Variants in CRIM1 observed in about 807,000 individuals in gnomAD.
The protein encoded by CRIM1 is cysteine-rich motor neuron 1 protein.
Under a neutral mutation model 116.4 loss-of-function variants are expected in CRIM1, and 32 were observed. That is an observed-to-expected ratio of 0.27 (90% CI 0.21 to 0.37). CRIM1 has a LOEUF of 0.37. Among genes scored for constraint, CRIM1 ranks in the 10% least tolerant of loss-of-function variants. The pLI is 1.00. For synonymous variants in CRIM1, 590 were observed against 509.2 expected, an observed-to-expected ratio of 1.16 and a Z score of -2.13; for missense variants, 1,331 against 1,354.8, an observed-to-expected ratio of 0.98 and a Z score of 0.28.
intron 7 of CRIM1, among the ~76,000 whole-genome samples, chr2:36,495,739 C>T (rs72866842): frequency 0.031 from 4,753 of 152,004 alleles, 220 homozygotes; most frequent in African/African-American, 0.11. Flanking sequence ...TGTCTCATGG[C>T]ACTTGTTTCC....
chr2:36,468,878 A>G (rs184955912), intron 5 of CRIM1, among the ~76,000 whole-genome samples: 110 of 152,362 alleles, frequency 7.2e-4, no homozygotes, highest in African/African-American at 2.5e-3. Context: ...CAACGTATAT[A>G]CACAAACATC....
At chr2:36,397,188 C>CAGAA (rs1220148918) in intron 2 of CRIM1, among the ~76,000 whole-genome samples, 1 of 152,072 alleles carries the variant, frequency 6.6e-6, no homozygotes, top group East Asian at 1.9e-4. Flanking sequence ...ATCTCTTTAG[C>CAGAA]AGAAATGGGA....
chr2:36,400,120 G>C (rs1157460719), intron 2 of CRIM1, among the ~76,000 whole-genome samples: 1 of 151,988 alleles, frequency 6.6e-6, no homozygotes, highest in South Asian at 2.1e-4. Flanking sequence ...GATTATATAA[G>C]AGAACTTTAT....
intron 7 of CRIM1, among the ~76,000 whole-genome samples, chr2:36,498,402 C>T (rs2125083458): frequency 6.6e-6 from 1 of 152,300 alleles, no homozygotes; most frequent in East Asian, 1.9e-4. Context: ...ATAATAATAG[C>T]ACCCACCTCA....
intron 1 of CRIM1, among the ~76,000 whole-genome samples, chr2:36,374,648 C>G (rs1467797094): frequency 6.6e-6 from 1 of 152,106 alleles, no homozygotes; most frequent in Admixed American, 6.5e-5. Context: ...TTCCCCCTTT[C>G]TTTTCCATAC....
At chr2:36,395,929 A>G (rs1671995797) in intron 1 of CRIM1, among the ~76,000 whole-genome samples, 1 of 152,188 alleles carries the variant, frequency 6.6e-6, no homozygotes, top group Non-Finnish European at 1.5e-5. Flanking sequence ...TCAATAGAGT[A>G]AAAAATTAGC....
chr2:36,461,330 G>C (rs1213062462), intron 4 of CRIM1, among the ~76,000 whole-genome samples: 1 of 152,150 alleles, frequency 6.6e-6, no homozygotes, highest in Non-Finnish European at 1.5e-5. Context: ...CCTTTCCTTT[G>C]CTTGCTCCTT....
At chr2:36,503,606 C>T (rs1305025816) in intron 8 of CRIM1, among the ~76,000 whole-genome samples, 1 of 149,746 alleles carries the variant, frequency 6.7e-6, no homozygotes, top group East Asian at 2.0e-4. Context: ...CTCACACCAA[C>T]AGCTTTCCTT....
At chr2:36,363,540 C>CCT (rs386389932) in intron 1 of CRIM1, among the ~76,000 whole-genome samples, 1 of 144,868 alleles carries the variant, frequency 6.9e-6, no homozygotes, top group Non-Finnish European at 1.6e-5. Flanking sequence ...CCCCCCCCCC[C>CCT]CATGACTATC....
At chr2:36,478,391 G>A (rs905708778) in intron 6 of CRIM1, among the ~76,000 whole-genome samples, 2 of 152,136 alleles carry the variant, frequency 1.3e-5, no homozygotes, top group African/African-American at 4.8e-5. Context: ...ATGTAGATAC[G>A]AACCTCTGTG....
chr2:36,442,469 T>C, intron 3 of CRIM1, 146 bp from the exon 4 acceptor site: 1 of 856,740 alleles, frequency 1.2e-6, no homozygotes, highest in Non-Finnish European at 1.9e-6. Flanking sequence ...TCTATAGCAT[T>C]AACTGGAGTA....
At chr2:36,378,574 GC>G (rs1670494130) in intron 1 of CRIM1, 4 of 348,426 alleles carry the variant, frequency 1.1e-5, no homozygotes, top group Non-Finnish European at 2.3e-5. Context: ...GAAAGTTTAT[GC>G]TGATGCCATT....
At chr2:36,515,797 A>T (rs1664997523) in intron 11 of CRIM1, among the ~76,000 whole-genome samples, 1 of 152,262 alleles carries the variant, frequency 6.6e-6, no homozygotes, top group African/African-American at 2.4e-5. Context: ...CCACTTCCGT[A>T]CATGTCAGCA....
intron 1 of CRIM1, among the ~76,000 whole-genome samples, chr2:36,382,223 G>A (rs151010470): frequency 3.1e-4 from 47 of 152,342 alleles, no homozygotes; most frequent in South Asian, 1.0e-3. Context: ...CAAACTGCGC[G>A]TGTTGGCAAG....
chr2:36,526,168 T>A (rs958198712), intron 13 of CRIM1, among the ~76,000 whole-genome samples: 3 of 151,416 alleles, frequency 2.0e-5, no homozygotes, highest in African/African-American at 7.4e-5. Flanking sequence ...ATGGAACATC[T>A]TCTGATTCCC....
At chr2:36,514,798 G>C (rs1664931276) in intron 11 of CRIM1, among the ~76,000 whole-genome samples, 1 of 152,192 alleles carries the variant, frequency 6.6e-6, no homozygotes, top group African/African-American at 2.4e-5. Flanking sequence ...GCCATGGTTG[G>C]GGAGCAGGGG....
intron 5 of CRIM1, among the ~76,000 whole-genome samples, chr2:36,468,686 G>C (rs1334744050): frequency 6.6e-6 from 1 of 152,168 alleles, no homozygotes; most frequent in African/African-American, 2.4e-5. Flanking sequence ...TGTCCCATCA[G>C]CCGTCAGCTG....
intron 7 of CRIM1, among the ~76,000 whole-genome samples, chr2:36,481,440 T>C (rs1391729142): frequency 1.3e-5 from 2 of 152,216 alleles, no homozygotes; most frequent in Admixed American, 1.3e-4. Context: ...GTTACAGTTT[T>C]GGTGAGCCAT....
At chr2:36,435,108 C>T (rs931209020) in intron 2 of CRIM1, among the ~76,000 whole-genome samples, 1 of 152,112 alleles carries the variant, frequency 6.6e-6, no homozygotes, top group African/African-American at 2.4e-5. Context: ...CAAGGGCCCC[C>T]GTGATACTCT....
Sources: allele counts gnomAD v4.1 joint callset (sites outside exome capture counted in the v4.1 genomes callset), GRCh38; gene constraint gnomAD v4.1.1; transcripts MANE v1.5; gene names NCBI Gene and HGNC (gene_info 2026-07-23, HGNC 2026-07-21).